Variants in SSBP2 observed in about 807,000 individuals in gnomAD.
The protein encoded by SSBP2 is single stranded DNA binding protein 2.
SSBP2 carries 17 observed loss-of-function variants against 61.8 expected under a neutral mutation model. That is an observed-to-expected ratio of 0.28 (90% confidence interval 0.19 to 0.41). The LOEUF (loss-of-function observed/expected upper bound fraction) is 0.41. SSBP2 is among the 10% of genes least tolerant of loss of function. SSBP2 has a pLI of 1.00. For synonymous variants in SSBP2, 139 were observed against 141.3 expected, an observed-to-expected ratio of 0.98 and a Z score of 0.12; for missense variants, 310 against 458.7, an observed-to-expected ratio of 0.68 and a Z score of 2.96.
chr5:81,669,771 C>CT (rs1481478052), intron 1 of SSBP2, among the ~76,000 whole-genome samples: 10 of 150,674 alleles, frequency 6.6e-5, no homozygotes, highest in African/African-American at 2.0e-4. Context: ...CATGTATCCC[C>CT]TTTTTTTTGT....
In SSBP2 at chr5:81,559,244, G is replaced by A. The variant is rs548026768; in HGVS notation, c.283-45527C>T. ...CTACTAAAAATACAAAAAATCAGCC[G>A]GGCGTGGTGGGCCGTGCCTGTAATC... On this transcript the variant is annotated intron_variant, in intron 4 of 16. Transcript: ENST00000320672. 3.0e-3 allele frequency among the ~76,000 whole-genome samples: 455 copies of A among 152,170 alleles called. 1 individual carries two copies. Among genetic ancestry groups the A allele is most frequent in the Non-Finnish European group, 3.4e-3 (228 of 67,978 alleles).
chr5:81,603,063 T>A (rs181843755), intron 4 of SSBP2, among the ~76,000 whole-genome samples: 1 of 152,340 alleles, frequency 6.6e-6, no homozygotes. Context: ...TATGATTACC[T>A]ATTGCTGTGT....
chr5:81,678,034 C>CAAAT (rs985766709), intron 1 of SSBP2, among the ~76,000 whole-genome samples: 1 of 152,072 alleles, frequency 6.6e-6, no homozygotes, highest in African/African-American at 2.4e-5. Context: ...TATGAAAAGG[C>CAAAT]AAATGTACAG....
At chr5:81,455,145 T>C (rs1764044637) in intron 10 of SSBP2, among the ~76,000 whole-genome samples, 1 of 150,510 alleles carries the variant, frequency 6.6e-6, no homozygotes, top group South Asian at 2.1e-4. Flanking sequence ...GTCCTACAAA[T>C]ATTTCAAATT....
chr5:81,499,098 C>T (rs770966923), intron 5 of SSBP2, among the ~76,000 whole-genome samples: 12 of 152,308 alleles, frequency 7.9e-5, no homozygotes, highest in Non-Finnish European at 1.5e-4. Context: ...TTAATTCCAA[C>T]TAGTACTAAA....
chr5:81,467,674 A>G (rs1764982533), intron 8 of SSBP2, among the ~76,000 whole-genome samples: 1 of 152,026 alleles, frequency 6.6e-6, no homozygotes, highest in Non-Finnish European at 1.5e-5. Context: ...TTTAACATGT[A>G]CATGTTATTA....
chr5:81,489,652 G>C (rs946520665), intron 5 of SSBP2, among the ~76,000 whole-genome samples: 43 of 152,284 alleles, frequency 2.8e-4, no homozygotes, highest in African/African-American at 9.9e-4. Flanking sequence ...AGGACCTCTG[G>C]AGGCAGCTTA....
intron 1 of SSBP2, among the ~76,000 whole-genome samples, chr5:81,676,453 C>T (rs376084183): frequency 6.6e-5 from 10 of 152,168 alleles, no homozygotes; most frequent in Admixed American, 3.3e-4. Context: ...CTAGATTTAG[C>T]GATGGCTCTT....
At chr5:81,478,358 T>C (rs1421166351) in intron 6 of SSBP2, among the ~76,000 whole-genome samples, 1 of 151,950 alleles carries the variant, frequency 6.6e-6, no homozygotes, top group Non-Finnish European at 1.5e-5. Flanking sequence ...ATTTTTTTTC[T>C]GATACAGAGT....
chr5:81,705,829 A>C (rs1754340818), intron 1 of SSBP2, among the ~76,000 whole-genome samples: 2 of 152,240 alleles, frequency 1.3e-5, no homozygotes, highest in Non-Finnish European at 2.9e-5. Context: ...TGTTATATTA[A>C]AAAGTCAAAA....
intron 4 of SSBP2, among the ~76,000 whole-genome samples, chr5:81,542,395 T>TC (rs1178191739): frequency 3.9e-5 from 6 of 152,048 alleles, no homozygotes; most frequent in Admixed American, 2.0e-4. Flanking sequence ...AACCCAGCAA[T>TC]CCCATTACTT....
At chr5:81,506,882 ATTT>A (rs1055554825) in intron 5 of SSBP2, among the ~76,000 whole-genome samples, 4 of 151,940 alleles carry the variant, frequency 2.6e-5, no homozygotes, top group African/African-American at 9.7e-5. Context: ...TTAAATAATT[ATTT>A]TTCTCATTTT....
intron 1 of SSBP2, among the ~76,000 whole-genome samples, chr5:81,739,116 G>C (rs561376503): frequency 8.2e-6 from 1 of 121,524 alleles, no homozygotes; most frequent in Non-Finnish European, 1.6e-5. Flanking sequence ...GGTGAGCCGA[G>C]ATCATACCAT....
intron 16 of SSBP2, among the ~76,000 whole-genome samples, chr5:81,426,361 C>T (rs1458276584): frequency 6.6e-6 from 1 of 152,194 alleles, no homozygotes; most frequent in Non-Finnish European, 1.5e-5. Flanking sequence ...TACTACCCTC[C>T]AGGGTGGTGG....
intron 1 of SSBP2, among the ~76,000 whole-genome samples, chr5:81,712,738 T>TG (rs1324672197): frequency 7.6e-4 from 113 of 148,930 alleles, no homozygotes; most frequent in Middle Eastern, 3.4e-3. Flanking sequence ...GTTTTTTTTT[T>TG]TTTGTTTTTT....
intron 1 of SSBP2, among the ~76,000 whole-genome samples, chr5:81,668,248 TAAAAAAAA>T (rs11332987): frequency 2.8e-4 from 27 of 94,902 alleles, no homozygotes; most frequent in South Asian, 1.3e-3. Context: ...TATGGAAGTT[TAAAAAAAA>T]AAAAAAAAAA....
chr5:81,629,666 A>G (rs1027676686), intron 3 of SSBP2, among the ~76,000 whole-genome samples: 2 of 152,192 alleles, frequency 1.3e-5, no homozygotes, highest in African/African-American at 4.8e-5. Context: ...TATTATAACC[A>G]GTACATATTT....
chr5:81,680,702 C>T (rs555705873), intron 1 of SSBP2, among the ~76,000 whole-genome samples: 1 of 152,230 alleles, frequency 6.6e-6, no homozygotes, highest in Admixed American at 6.5e-5. Context: ...GGGGTCACTA[C>T]TCCAAGAAGA....
intron 5 of SSBP2, among the ~76,000 whole-genome samples, chr5:81,512,685 A>C (rs1365161469): frequency 6.6e-6 from 1 of 152,072 alleles, no homozygotes; most frequent in East Asian, 1.9e-4. Flanking sequence ...ATTATTTATA[A>C]TTTTATTTCT....
Sources: gnomAD v4.1 joint callset for allele counts (sites outside exome capture counted in the v4.1 genomes callset) on GRCh38, gnomAD v4.1.1 for gene constraint, MANE v1.5 for transcripts, NCBI Gene and HGNC (gene_info 2026-07-23, HGNC 2026-07-21) for gene names.